The following KSR2 variants were observed in gnomAD, a reference collection of about 807,000 sequenced individuals.
The protein encoded by KSR2 is kinase suppressor of ras 2.
KSR2 carries 25 observed loss-of-function variants against 107.8 expected under a neutral mutation model. The ratio of observed to expected loss-of-function variants is 0.23; its 90% CI spans 0.17 to 0.32. The LOEUF is 0.32. KSR2 is among the 10% of genes least tolerant of loss of function. The pLI, the probability that KSR2 is intolerant of heterozygous loss-of-function variation, is 1.00. For synonymous variants in KSR2, 480 were observed against 507.0 expected (o/e 0.95, Z 0.71); for missense variants, 887 against 1,268.9 (o/e 0.70, Z 4.57).
chr12:117,517,681 A>T, intron 14 of KSR2: 1 of 374,536 alleles, frequency 2.7e-6, no homozygotes, highest in South Asian at 2.1e-5. Flanking sequence ...ATTTCAGCAC[A>T]ATTAAAGGCA....
chr12:117,703,043 G>A (rs1190314245), intron 4 of KSR2, among the ~76,000 whole-genome samples: 4 of 152,028 alleles, frequency 2.6e-5, no homozygotes, highest in African/African-American at 4.8e-5. Flanking sequence ...CAGACTTATC[G>A]ACTCTTTGGA....
At chr12:117,525,857 C>A (rs1292534254) in intron 13 of KSR2, among the ~76,000 whole-genome samples, 1 of 152,134 alleles carries the variant, frequency 6.6e-6, no homozygotes, top group Non-Finnish European at 1.5e-5. Context: ...GCTCCTACAG[C>A]AGCTGGGAGG....
chr12:117,776,780 G>T (rs927723339), intron 3 of KSR2, among the ~76,000 whole-genome samples: 4 of 151,774 alleles, frequency 2.6e-5, no homozygotes, highest in African/African-American at 9.7e-5. Context: ...TTCACCTTGG[G>T]GAGGCTTCCC....
At chr12:117,874,900 C>A (rs1429486165) in intron 1 of KSR2, among the ~76,000 whole-genome samples, 5 of 152,098 alleles carry the variant, frequency 3.3e-5, no homozygotes, top group Admixed American at 2.0e-4. Flanking sequence ...CCGAGCCCAC[C>A]GTCTGACTCT....
At chr12:117,709,130 A>C (rs1248262199) in intron 4 of KSR2, among the ~76,000 whole-genome samples, 1 of 152,148 alleles carries the variant, frequency 6.6e-6, no homozygotes, top group Non-Finnish European at 1.5e-5. Context: ...CATGTAAAGT[A>C]ACACAATAAA....
At chr12:117,586,226 G>A (rs1253765503) in intron 5 of KSR2, among the ~76,000 whole-genome samples, 1 of 152,114 alleles carries the variant, frequency 6.6e-6, no homozygotes, top group African/African-American at 2.4e-5. Flanking sequence ...TATACACAGA[G>A]ACACAGGTAA....
intron 14 of KSR2, among the ~76,000 whole-genome samples, chr12:117,521,027 G>C (rs527626862): frequency 6.6e-6 from 1 of 152,078 alleles, no homozygotes; most frequent in Non-Finnish European, 1.5e-5. Flanking sequence ...GCAGGGCCAG[G>C]CACTGTTACT....
At chr12:117,578,601 CAAAA>C (rs66919524) in intron 7 of KSR2, among the ~76,000 whole-genome samples, 1 of 103,976 alleles carries the variant, frequency 9.6e-6, no homozygotes. Context: ...GACTCCATCT[CAAAA>C]AAAAAAAAAA....
At position 117,753,579 on chromosome 12, in the gene KSR2, G is replaced by A. The variant is rs182889585; in HGVS notation, c.986+7432C>T. Among the ~76,000 whole-genome samples, 585 of 152,186 alleles carry A rather than the reference G, an allele frequency of 3.8e-3. 4 individuals are homozygous for A. Among genetic ancestry groups the A allele is most frequent in the African/African-American group, 0.013 (537 of 41,524 alleles). Reference sequence around the variant, plus strand: ...ACACAGGAACAGAAAACCAAATACCGCATGTTCTCACTTTTAAGTGGGACC... The same window carrying A: ...ACACAGGAACAGAAAACCAAATACCACATGTTCTCACTTTTAAGTGGGACC... On this transcript the variant is annotated intron_variant, in intron 4 of 19. Coordinates refer to ENST00000339824, the MANE Select transcript of KSR2 (RefSeq NM_173598.6).
Position 117,552,994 on chromosome 12 carries a change from T to C in KSR2, c.1518+2175A>G, listed in dbSNP as rs139066226. Among the ~76,000 whole-genome samples the C allele has an allele frequency of 3.5e-3, 539 of 152,284 alleles. 1 individual carries two copies. The highest frequency in any genetic ancestry group is 0.012 in the African/African-American group (519 of 41,550). On this transcript the variant is annotated intron_variant, in intron 9 of 19. Coordinates refer to ENST00000339824, the MANE Select transcript of KSR2 (RefSeq NM_173598.6). ...TCCTGACCTACAGATTCTGTGAGTA[T>C]AATAAAAGGATGATTGTCGTACGCC...
At chr12:117,661,050 G>A (rs191252148) in intron 5 of KSR2, among the ~76,000 whole-genome samples, 20 of 152,328 alleles carry the variant, frequency 1.3e-4, no homozygotes, top group Middle Eastern at 3.4e-3. Flanking sequence ...AAGATTCAAC[G>A]CCACTTAATG....
chr12:117,462,236 CAAAAAAAAAAAA>C lies in KSR2; in HGVS notation c.*4951_*4962del, dbSNP rs61299121. 4.5e-5 allele frequency: 3 copies of C among 66,480 alleles called. No homozygotes were observed. The highest frequency in any genetic ancestry group is 2.1e-4 in the Admixed American group (1 of 4,768). The allele number at this position is 66,480 out of a possible 1,614,324, so 4.1% of individuals were successfully genotyped here. On this transcript the variant is annotated 3_prime_UTR_variant, in exon 20 of 20. Coordinates refer to ENST00000339824, the MANE Select transcript of KSR2 (RefSeq NM_173598.6). ...GTGTTATAAGTTGTGGTGTCCCCAACAAAAAAAAAAAAAAAAAAAAAAAGACATGTTGAAGTC... is the reference window on the plus strand; with the variant it reads ...GTGTTATAAGTTGTGGTGTCCCCAACAAAAAAAAAAAGACATGTTGAAGTC...
chr12:117,595,160 T>G (rs1289744114), intron 5 of KSR2, among the ~76,000 whole-genome samples: 1 of 152,184 alleles, frequency 6.6e-6, no homozygotes, highest in Admixed American at 6.5e-5. Flanking sequence ...TCCTCTTTCT[T>G]CAAAACACTT....
chr12:117,557,143 C>T (rs371219412), intron 8 of KSR2, among the ~76,000 whole-genome samples: 51 of 152,052 alleles, frequency 3.4e-4, no homozygotes, highest in East Asian at 1.2e-3. Context: ...CCAGCCTGGG[C>T]GACAGAGAGA....
At chr12:117,697,174 G>A (rs1025089772) in intron 4 of KSR2, among the ~76,000 whole-genome samples, 1 of 152,162 alleles carries the variant, frequency 6.6e-6, no homozygotes, top group Non-Finnish European at 1.5e-5. Flanking sequence ...GAAGGACAGC[G>A]TCCCTAAACT....
chr12:117,780,359 A>G (rs1174639757), intron 3 of KSR2, among the ~76,000 whole-genome samples: 4 of 152,268 alleles, frequency 2.6e-5, no homozygotes, highest in South Asian at 2.1e-4. Context: ...ATATCCATAT[A>G]GCAGATTATT....
Position 117,484,409 on chromosome 12 carries a change from C to T in KSR2, c.2450+7G>A, listed in dbSNP as rs756795619. 12 of 1,613,682 alleles carry T rather than the reference C, an allele frequency of 7.4e-6. No individual in the cohort carries two copies. In the African/African-American group the frequency reaches 1.5e-4, roughly 20 times the overall value. ...GAAACTCTCCGGGTCTTCCCACTGC[C>T]TCTCACCTGCCAGCCTGCAGCACCC... On this transcript the variant is annotated splice_region_variant and intron_variant, in intron 16 of 19. Transcript: ENST00000339824.
At chr12:117,507,357 T>C (rs1314960423) in intron 14 of KSR2, among the ~76,000 whole-genome samples, 1 of 152,202 alleles carries the variant, frequency 6.6e-6, no homozygotes, top group African/African-American at 2.4e-5. Flanking sequence ...GCCATGGCCA[T>C]TCATCTCCAA....
At chr12:117,509,367 C>T (rs1035263657) in intron 14 of KSR2, among the ~76,000 whole-genome samples, 8 of 152,032 alleles carry the variant, frequency 5.3e-5, no homozygotes, top group Non-Finnish European at 1.0e-4. Flanking sequence ...ATTCAGGAGC[C>T]AGGTGGTGAG....
Sources: gnomAD v4.1 joint callset for allele counts (sites outside exome capture counted in the v4.1 genomes callset) on GRCh38, gnomAD v4.1.1 for gene constraint, MANE v1.5 for transcripts, NCBI Gene and HGNC (gene_info 2026-07-23, HGNC 2026-07-21) for gene names.